FSIP2: variants seen among roughly 807,000 people sequenced by gnomAD.
FSIP2 encodes the protein fibrous sheath-interacting protein 2.
Under a neutral mutation model 510.5 loss-of-function variants are expected in FSIP2, and 367 were observed. That is an observed-to-expected ratio of 0.72 (90% CI 0.66 to 0.78). The LOEUF is 0.78. FSIP2 is among the 30% of genes least tolerant of loss of function. The probability of loss-of-function intolerance (pLI) is 0.00; values close to 1 mark genes in which losing one functional copy is unlikely to be tolerated. For synonymous variants in FSIP2, 2,601 were observed against 2,732.2 expected (o/e 0.95, Z 1.50); for missense variants, 7,594 against 7,901.7 (o/e 0.96, Z 1.48).
At position 185,790,913 on chromosome 2, in the gene FSIP2, T is replaced by A. The variant is rs778698827; in HGVS notation, c.3777T>A (p.Ile1259=). The A allele has an allele frequency of 6.5e-7, 1 of 1,527,258 alleles. No individual in the cohort carries two copies. The highest frequency in any genetic ancestry group is 1.2e-5 in the South Asian group (1 of 82,234). The allele number at this position is 1,527,258 out of a possible 1,614,324, so 94.6% of individuals were successfully genotyped here. Reference sequence around the variant, plus strand: ...GTGAACCTAAACCTGTAGATGACATTAATGATAAGATCATTCGTACAATTT... The same window carrying A: ...GTGAACCTAAACCTGTAGATGACATAAATGATAAGATCATTCGTACAATTT... ...GKSEPKPVDD[I]NDKIIRTIFK... is the part of the protein sequence containing the mutation. The change falls in exon 16 of 23, where the codon ATT becomes ATA. Residue 1259 remains isoleucine, a synonymous_variant. Transcript: ENST00000424728.
At chr2:185,811,795 G>A (rs1391692023) in intron 17 of FSIP2, among the ~76,000 whole-genome samples, 1 of 152,038 alleles carries the variant, frequency 6.6e-6, no homozygotes, top group East Asian at 1.9e-4. Flanking sequence ...TGGCTCAAAG[G>A]GGCCCAGTTA....
intron 13 of FSIP2, among the ~76,000 whole-genome samples, chr2:185,777,572 G>C (rs1692753690): frequency 6.6e-6 from 1 of 151,896 alleles, no homozygotes; most frequent in Admixed American, 6.6e-5. Flanking sequence ...GGTTAAGAAA[G>C]TATCTTTCTA....
chr2:185,744,963 GGTGTGTGTGTGTGGGGT>G (rs71681363), intron 4 of FSIP2: 28,376 of 136,222 alleles, frequency 0.21, 2,944 homozygotes, highest in Non-Finnish European at 0.25. Context: ...TTGACTTAAA[GGTGTGTGTGTGTGGGGT>G]GTGTGTGTGT....
chr2:185,780,217 G>A (rs1020742580), intron 13 of FSIP2, among the ~76,000 whole-genome samples: 1 of 151,856 alleles, frequency 6.6e-6, no homozygotes, highest in Non-Finnish European at 1.5e-5. Flanking sequence ...ATTATAAGGA[G>A]CAGTTCTGTA....
chr2:185,802,145 C>G lies in FSIP2; in HGVS notation c.12839C>G (p.Thr4280Ser). 2.0e-6 allele frequency: 3 copies of G among 1,533,174 alleles called. No individual in the cohort carries two copies. Among genetic ancestry groups the G allele is most frequent in the Non-Finnish European group, 2.6e-6 (3 of 1,144,948 alleles). 95.0% of individuals were successfully genotyped at this position (1,533,174 alleles called of 1,614,324 possible). The change falls in exon 17 of 23, where the codon ACT becomes AGT. Residue 4280 changes from threonine to serine, a missense_variant. Coordinates refer to ENST00000424728, the MANE Select transcript of FSIP2 (RefSeq NM_173651.4). ...HPRTPLDPVS[T>S]IVTQVLSEVI... The stretch of plus-strand genomic sequence containing the variant: ...AGGACTCCACTGGATCCAGTGTCTA[C>G]TATTGTTACACAGGTTCTGAGTGAA...
rs1306371093 is a variant in FSIP2, at chr2:185,801,799, G to A, written c.12493G>A (p.Gly4165Arg). Residue 4165 changes from glycine (G) to arginine (R), a missense_variant, in exon 17 of 23, where the codon GGA becomes AGA. By Grantham distance (125) the Gly-to-Arg change is moderately radical (BLOSUM62 -2). Coordinates refer to ENST00000424728, the MANE Select transcript of FSIP2 (RefSeq NM_173651.4). ...IPPPITCSSL[G>R]KKYLMSSDFN... ...TCCACCCATTACATGTTCCTCTTTA[G>A]GAAAAAAATATTTAATGAGTTCTGA... The A allele has an allele frequency of 2.0e-6, 3 of 1,493,100 alleles. 1 individual carries two copies. The South Asian group carries it at 3.9e-5, about 19-fold the overall frequency. The allele number at this position is 1,493,100 out of a possible 1,614,324, so 92.5% of individuals were successfully genotyped here. A position where few individuals can be genotyped will look rare whatever the true frequency, so the allele number is the denominator to read the frequency against.
At position 185,801,742 on chromosome 2, in the gene FSIP2, G is replaced by A. The variant is rs1693440447; in HGVS notation, c.12436G>A (p.Val4146Ile). The part of the protein sequence containing the change: ...TMLSHSFLED[V>I]IRRLLSQLIP... ...GTTATCACATTCATTTTTAGAAGAT[G>A]TCATAAGAAGGCTTTTATCTCAGCT... Residue 4146 changes from valine (V) to isoleucine (I), a missense_variant, in exon 17 of 23, where the codon GTC becomes ATC. By Grantham distance (29) the Val-to-Ile change is conservative. Coordinates refer to ENST00000424728, the MANE Select transcript of FSIP2 (RefSeq NM_173651.4). The A allele has an allele frequency of 6.5e-7, 1 of 1,529,516 alleles. No individual in the cohort carries two copies. The highest frequency in any genetic ancestry group is 2.0e-5 in the Admixed American group (1 of 50,156). 94.7% of individuals were successfully genotyped at this position (1,529,516 alleles called of 1,614,324 possible). A position where few individuals can be genotyped will look rare whatever the true frequency, so the allele number is the denominator to read the frequency against.
chr2:185,780,537 C>A (rs1444300992), intron 13 of FSIP2, among the ~76,000 whole-genome samples: 1 of 151,298 alleles, frequency 6.6e-6, no homozygotes, highest in African/African-American at 2.4e-5. Flanking sequence ...TTCTTATAGG[C>A]TCTTTTTCTA....
intron 1 of FSIP2, 71 bp downstream of exon 1, chr2:185,739,064 C>G (rs1489780952): frequency 4.1e-6 from 6 of 1,459,292 alleles, no homozygotes; most frequent in Non-Finnish European, 4.5e-6. Flanking sequence ...GGGCAGGGAT[C>G]GCCACACACG....
At position 185,750,537 on chromosome 2, in the gene FSIP2, T is replaced by C. The variant is rs544775449; in HGVS notation, c.870+3114T>C. Among the ~76,000 whole-genome samples, 19 of 151,212 alleles carry C rather than the reference T, an allele frequency of 1.3e-4. No individual in the cohort carries two copies. In the South Asian group the frequency reaches 2.7e-3, roughly 21 times the overall value. On this transcript the variant is annotated intron_variant, in intron 7 of 22. Transcript: ENST00000424728. ...GTCCTGGCTAGAGTTGCTTTTTCTTTTTCTTCTTATTTCTCTTTTTCTGAT... is the reference window on the plus strand; with the variant it reads ...GTCCTGGCTAGAGTTGCTTTTTCTTCTTCTTCTTATTTCTCTTTTTCTGAT...
intron 13 of FSIP2, among the ~76,000 whole-genome samples, chr2:185,776,648 C>A (rs1054373965): frequency 6.6e-6 from 1 of 152,044 alleles, no homozygotes; most frequent in African/African-American, 2.4e-5. Context: ...TTCTTTATAG[C>A]AAAATATGTG....
In FSIP2 at chr2:185,805,731, T is replaced by G; in HGVS notation, c.16425T>G (p.Phe5475Leu). ...GTACAATGAATAGAAAGAAAAGTTT[T>G]AAAACCAAGGACACATCAGTGAAAA... The part of the protein sequence containing the change: ...NRGTMNRKKS[F>L]KTKDTSVKKG... Residue 5475 changes from phenylalanine (F) to leucine (L), a missense_variant, in exon 17 of 23, where the codon TTT (phenylalanine) becomes TTG (leucine). Transcript: ENST00000424728. 6.2e-7 allele frequency: 1 copy of G among 1,606,248 alleles called. No homozygotes were observed. Among genetic ancestry groups the G allele is most frequent in the Non-Finnish European group, 8.5e-7 (1 of 1,177,390 alleles).
Position 185,792,570 on chromosome 2 carries a change from C to T in FSIP2, c.5434C>T (p.His1812Tyr). The T allele has an allele frequency of 2.0e-6, 3 of 1,533,682 alleles. No individual in the cohort carries two copies. The highest frequency in any genetic ancestry group is 1.7e-6 in the Non-Finnish European group (2 of 1,145,238). The change falls in exon 16 of 23, where the codon CAC becomes TAC. Residue 1812 changes from histidine to tyrosine, a missense_variant. Transcript: ENST00000424728. The part of the protein sequence containing the change: ...LSHSNFNGMP[H>Y]NVDEPTPQTS... ...CCACTCTAATTTTAATGGCATGCCT[C>T]ACAATGTTGATGAGCCAACTCCCCA...
intron 13 of FSIP2, among the ~76,000 whole-genome samples, chr2:185,772,780 T>C (rs1692630645): frequency 1.3e-5 from 2 of 152,000 alleles, no homozygotes; most frequent in Non-Finnish European, 2.9e-5. Flanking sequence ...CACCTGAGTT[T>C]AGAATTTTTT....
chr2:185,831,759 C>A, intron 21 of FSIP2, 54 bp from the exon 22 acceptor site: 2 of 1,099,940 alleles, frequency 1.8e-6, no homozygotes, highest in East Asian at 4.7e-5. Context: ...ATGGGTATAT[C>A]TAGTGTTTGT....
At position 185,789,755 on chromosome 2, in the gene FSIP2, T is replaced by C; in HGVS notation, c.2619T>C (p.Ser873=). 6.5e-7 allele frequency: 1 copy of C among 1,534,440 alleles called. No individual in the cohort carries two copies. Among genetic ancestry groups the C allele is most frequent in the Non-Finnish European group, 8.7e-7 (1 of 1,145,740 alleles). The change falls in exon 16 of 23, where the codon TCT becomes TCC. Residue 873 remains serine, a synonymous_variant. Transcript: ENST00000424728. The part of the protein sequence containing the change: ...MFLQRAGKNK[S]SLESDEASLI... ...TTCAAAGAGCTGGCAAAAATAAATCTAGTCTTGAATCTGATGAAGCTAGTT... is the reference window on the plus strand; with the variant it reads ...TTCAAAGAGCTGGCAAAAATAAATCCAGTCTTGAATCTGATGAAGCTAGTT...
Position 185,795,436 on chromosome 2 carries a change from A to C in FSIP2, c.8300A>C (p.Gln2767Pro). The change falls in exon 16 of 23, where the codon CAA (glutamine) becomes CCA (proline). Residue 2767 changes from glutamine to proline, a missense_variant. Coordinates refer to ENST00000424728, the MANE Select transcript of FSIP2 (RefSeq NM_173651.4). ...CAAACCAAAGCTTTACCATCTGATCAAATCATAGCAGCAGGTAAAATAGTT... is the reference window on the plus strand; with the variant it reads ...CAAACCAAAGCTTTACCATCTGATCCAATCATAGCAGCAGGTAAAATAGTT... ...VKQTKALPSDQIIAAGKIVNT... is the reference protein window; with the variant it reads ...VKQTKALPSDPIIAAGKIVNT... The C allele has an allele frequency of 6.5e-7, 1 of 1,534,822 alleles. No homozygotes were observed. Among genetic ancestry groups the C allele is most frequent in the Non-Finnish European group, 8.7e-7 (1 of 1,146,024 alleles).
At chr2:185,769,116 A>T (rs1440138112) in intron 13 of FSIP2, among the ~76,000 whole-genome samples, 1 of 152,092 alleles carries the variant, frequency 6.6e-6, no homozygotes, top group East Asian at 1.9e-4. Context: ...TGTCTTTATG[A>T]TAGAATGGTG....
rs148575803 is a variant in FSIP2, at chr2:185,808,891, C to A, written c.19585C>A (p.Pro6529Thr). The A allele has an allele frequency of 6.0e-3, 9,632 of 1,607,060 alleles. 165 individuals are homozygous for A. Among genetic ancestry groups the A allele is most frequent in the East Asian group, 0.048 (2,157 of 44,714 alleles). The change falls in exon 17 of 23, where the codon CCA becomes ACA. Residue 6529 changes from proline to threonine, a missense_variant. Transcript: ENST00000424728. ...AATAGTTCCACATGTTGGAAAAAAA[C>A]CAGTCAAAATAGATCCAAAAATTAT... ...IKIVPHVGKK[P>T]VKIDPKIISE...
Sources: allele counts gnomAD v4.1 joint callset (sites outside exome capture counted in the v4.1 genomes callset), GRCh38; gene constraint gnomAD v4.1.1; transcripts MANE v1.5; gene names NCBI Gene and HGNC (gene_info 2026-07-23, HGNC 2026-07-21).